The following SMARCAL1 variants were observed in gnomAD, a reference collection of about 807,000 sequenced individuals.
SMARCAL1 encodes the protein ATP-driven annealing helicase.
A neutral mutation model predicts 94.5 loss-of-function variants in SMARCAL1; 58 were observed. That is an observed-to-expected ratio of 0.61 (90% CI 0.50 to 0.76). SMARCAL1 has a LOEUF of 0.76. Among genes scored for constraint, SMARCAL1 ranks in the 30% least tolerant of loss-of-function variants. The pLI is 0.00. For missense variants in SMARCAL1, 1,051 were observed against 1,177.9 expected, an observed-to-expected ratio of 0.89 and a Z score of 1.58; for synonymous variants, 422 against 455.1, an observed-to-expected ratio of 0.93 and a Z score of 0.93.
chr2:216,445,700 C>T (rs1396206355), intron 10 of SMARCAL1, among the ~76,000 whole-genome samples: 3 of 152,128 alleles, frequency 2.0e-5, no homozygotes, highest in Admixed American at 6.5e-5. Flanking sequence ...TGCATTAAAC[C>T]GTGCAGGAAG....
intron 15 of SMARCAL1, among the ~76,000 whole-genome samples, chr2:216,476,320 T>C (rs1415149810): frequency 2.6e-5 from 4 of 151,594 alleles, no homozygotes; most frequent in African/African-American, 9.7e-5. Context: ...GTGGTTTTTT[T>C]TTTCTTTTGC....
chr2:216,430,113 C>G (rs560437298), intron 7 of SMARCAL1, among the ~76,000 whole-genome samples: 2 of 152,266 alleles, frequency 1.3e-5, no homozygotes, highest in African/African-American at 2.4e-5. Context: ...ACCCCATTAC[C>G]CCTGAGAGAG....
At chr2:216,480,608 T>A (rs1449608111) in intron 17 of SMARCAL1, among the ~76,000 whole-genome samples, 1 of 152,192 alleles carries the variant, frequency 6.6e-6, no homozygotes, top group African/African-American at 2.4e-5. Flanking sequence ...TCTGCAAGGC[T>A]GGGATCCTGA....
intron 13 of SMARCAL1, among the ~76,000 whole-genome samples, chr2:216,465,599 A>G (rs1395601720): frequency 1.3e-5 from 2 of 152,206 alleles, no homozygotes; most frequent in Non-Finnish European, 2.9e-5. Context: ...CAAAATCTCA[A>G]TTGTATGCCT....
chr2:216,457,697 G>A (rs1448918503), intron 12 of SMARCAL1, among the ~76,000 whole-genome samples: 2 of 152,180 alleles, frequency 1.3e-5, no homozygotes, highest in East Asian at 3.8e-4. Context: ...AGTGTGTAGA[G>A]GGAAATTTAT....
chr2:216,450,800 G>A lies in SMARCAL1; in HGVS notation c.1852-46G>A, dbSNP rs759722079. 4 of 1,505,082 alleles carry A rather than the reference G, an allele frequency of 2.7e-6. No individual in the cohort carries two copies. The Admixed American group carries it at 5.0e-5, about 19-fold the overall frequency. 93.2% of individuals were successfully genotyped at this position (1,505,082 alleles called of 1,614,324 possible). A position where few individuals can be genotyped will look rare whatever the true frequency, so the allele number is the denominator to read the frequency against. On this transcript the variant is annotated intron_variant, in intron 11 of 17. Transcript: ENST00000357276. ...GGATCCCAAGTCCCTGTTGGACTGG[G>A]CCTGAAAGGAGCCTCATGGGGCTGT...
At chr2:216,418,980 G>T (rs533396837) in intron 4 of SMARCAL1, among the ~76,000 whole-genome samples, 1 of 152,144 alleles carries the variant, frequency 6.6e-6, no homozygotes. Flanking sequence ...TCTTATGAAT[G>T]TGTCATACAT....
At chr2:216,432,637 A>C in intron 7 of SMARCAL1, 81 bp from the exon 8 acceptor site, 1 of 1,568,712 alleles carries the variant, frequency 6.4e-7, no homozygotes, top group Non-Finnish European at 8.8e-7. Context: ...GCCTTCACCC[A>C]GCAGTGCTGA....
At chr2:216,426,183 A>G (rs573663375) in intron 6 of SMARCAL1, among the ~76,000 whole-genome samples, 178 of 152,332 alleles carry the variant, frequency 1.2e-3, no homozygotes, top group African/African-American at 3.9e-3. Context: ...ATTTTTTAAG[A>G]AAAATAGAAG....
intron 7 of SMARCAL1, 31 bp from the exon 8 acceptor site, chr2:216,432,687 A>G: frequency 6.2e-7 from 1 of 1,613,832 alleles, no homozygotes; most frequent in Non-Finnish European, 8.5e-7. Context: ...TGCCCCGGGA[A>G]ATGTGCCATC....
At chr2:216,472,290 G>C (rs534051503) in intron 14 of SMARCAL1, among the ~76,000 whole-genome samples, 256 of 152,244 alleles carry the variant, frequency 1.7e-3, no homozygotes, top group Middle Eastern at 3.4e-3. Flanking sequence ...GGGAAGCAGC[G>C]GCTGCAGTGA....
chr2:216,435,761 C>T (rs1418304808), intron 9 of SMARCAL1, among the ~76,000 whole-genome samples: 1 of 152,144 alleles, frequency 6.6e-6, no homozygotes, highest in Non-Finnish European at 1.5e-5. Flanking sequence ...TCTAGCTCAT[C>T]TCTTTCCCAG....
intron 7 of SMARCAL1, among the ~76,000 whole-genome samples, chr2:216,430,857 T>G (rs1559125906): frequency 1.3e-5 from 2 of 152,180 alleles, no homozygotes; most frequent in Non-Finnish European, 2.9e-5. Context: ...GAAAGTGAGG[T>G]AAAAAATACA....
At chr2:216,433,274 A>G (rs1457600312) in intron 8 of SMARCAL1, among the ~76,000 whole-genome samples, 1 of 151,818 alleles carries the variant, frequency 6.6e-6, no homozygotes, top group Non-Finnish European at 1.5e-5. Context: ...TGTAAAGATG[A>G]GGTTTTGCCA....
intron 6 of SMARCAL1, chr2:216,427,213 A>T (rs1693853669): frequency 6.6e-6 from 1 of 152,264 alleles, no homozygotes; most frequent in African/African-American, 2.4e-5. Flanking sequence ...CACGTCTGTC[A>T]TCTCCTAGTA....
chr2:216,459,546 C>G (rs1694650244), intron 12 of SMARCAL1, among the ~76,000 whole-genome samples: 1 of 152,190 alleles, frequency 6.6e-6, no homozygotes, highest in Non-Finnish European at 1.5e-5. Flanking sequence ...CTACAACTAT[C>G]TGATCCTTGA....
intron 4 of SMARCAL1, 120 bp downstream of exon 4, chr2:216,416,427 ACC>A (rs3214962): frequency 1.9e-5 from 15 of 778,316 alleles, no homozygotes; most frequent in South Asian, 2.8e-5. Context: ...CTTTCAGGGC[ACC>A]CCCCCCAACA....
intron 13 of SMARCAL1, among the ~76,000 whole-genome samples, chr2:216,465,019 C>T (rs1334379006): frequency 6.6e-6 from 1 of 152,098 alleles, no homozygotes; most frequent in African/African-American, 2.4e-5. Flanking sequence ...TGGTGGCATG[C>T]ACCTGTGGTC....
In SMARCAL1 at chr2:216,465,802, G is replaced by A. The variant is rs369525904; in HGVS notation, c.2141+1135G>A. Among the ~76,000 whole-genome samples, 11 of 151,996 alleles carry A rather than the reference G, an allele frequency of 7.2e-5. No homozygotes were observed. In the South Asian group the frequency reaches 2.3e-3, roughly 32 times the overall value. On this transcript the variant is annotated intron_variant, in intron 13 of 17. Coordinates refer to ENST00000357276, the MANE Select transcript of SMARCAL1 (RefSeq NM_014140.4). ...CTGAGTGGTGCCAGACTGGCTGTGGGGACTGAGATCTGGGGATAAATTAAG... is the reference window on the plus strand; with the variant it reads ...CTGAGTGGTGCCAGACTGGCTGTGGAGACTGAGATCTGGGGATAAATTAAG...
Sources: allele counts gnomAD v4.1 joint callset (sites outside exome capture counted in the v4.1 genomes callset), GRCh38; gene constraint gnomAD v4.1.1; transcripts MANE v1.5; gene names NCBI Gene and HGNC (gene_info 2026-07-23, HGNC 2026-07-21).